SPIN2A: variants seen among roughly 807,000 people sequenced by gnomAD.
SPIN2A encodes the protein spindlin family member 2A.
In SPIN2A, 4 loss-of-function variants were observed where a neutral mutation model predicts 9.2. The observed-to-expected ratio is 0.44, with a 90% CI of 0.21 to 1.00. The LOEUF is 1.00. Ranked by LOEUF, SPIN2A falls within the 50% of genes least tolerant of loss-of-function variation. The pLI, the probability that SPIN2A is intolerant of heterozygous loss-of-function variation, is 0.26. For synonymous variants in SPIN2A, 25 were observed against 61.2 expected (o/e 0.41, Z 2.76); for missense variants, 77 against 172.8 (o/e 0.45, Z 3.11).
At chrX:57,144,088 T>C in the SPIN2A span, among the ~76,000 whole-genome samples, 2 of 112,172 alleles carry the variant, frequency 1.8e-5, no homozygotes, top group African/African-American at 3.2e-5. Flanking sequence ...GCTGGCAGTA[T>C]TCTCAGCTTT....
chrX:57,139,459 C>CTTGT (rs1253934693), upstream of SPIN2A, among the ~76,000 whole-genome samples: 1 of 110,956 alleles, frequency 9.0e-6, no homozygotes, highest in African/African-American at 3.3e-5. Flanking sequence ...TTTTTGTTTG[C>CTTGT]TTGTTTGTTT....
At chrX:57,145,024 A>G in the SPIN2A span, among the ~76,000 whole-genome samples, 2 of 111,529 alleles carry the variant, frequency 1.8e-5, no homozygotes, top group Middle Eastern at 4.6e-3. Flanking sequence ...TTGTGCTGCT[A>G]TAAACATGCA....
At chrX:57,143,088 C>A in the SPIN2A span, among the ~76,000 whole-genome samples, 2 of 111,121 alleles carry the variant, frequency 1.8e-5, no homozygotes, top group African/African-American at 6.5e-5. Flanking sequence ...TTGATTAGAT[C>A]ATTTATTCCA....
At chrX:57,144,921 C>T in the SPIN2A span, among the ~76,000 whole-genome samples, 1 of 80,277 alleles carries the variant, frequency 1.2e-5, no homozygotes, top group Non-Finnish European at 2.1e-5. Flanking sequence ...TATGTGTGTG[C>T]ATACACACAC....
upstream of SPIN2A, among the ~76,000 whole-genome samples, chrX:57,139,034 C>T (rs984105133): frequency 8.9e-6 from 1 of 111,746 alleles, no homozygotes; most frequent in Non-Finnish European, 1.9e-5. Flanking sequence ...ATGATTGTTT[C>T]CTTTGCTGTG....
downstream of SPIN2A, chrX:57,135,438 C>T (rs975394376): frequency 1.5e-4 from 30 of 194,303 alleles, no homozygotes; most frequent in Admixed American, 5.1e-4. Flanking sequence ...CAGTCACCTC[C>T]TCCTCTCTCC....
downstream of SPIN2A, chrX:57,134,902 C>G (rs1569184925): frequency 8.9e-6 from 1 of 111,950 alleles, no homozygotes; most frequent in Non-Finnish European, 1.9e-5. Context: ...TCCTGATTAA[C>G]TTGACTGAGT....
chrX:57,135,716 T>G lies in SPIN2A; in HGVS notation c.*105A>C, dbSNP rs1301670971. Reference sequence around the variant, plus strand: ...GTTAATGCTGGCAAAGATGTTTAGTTATCAGGGATTCCATAAGCTTTCAGT... The same window carrying G: ...GTTAATGCTGGCAAAGATGTTTAGTGATCAGGGATTCCATAAGCTTTCAGT... On this transcript the variant is annotated 3_prime_UTR_variant, in exon 2 of 2. Transcript: ENST00000374906. 13 of 1,136,185 alleles carry G rather than the reference T, an allele frequency of 1.1e-5. No individual in the cohort carries two copies. The highest frequency in any genetic ancestry group is 1.5e-5 in the Non-Finnish European group (13 of 858,500). The allele number at this position is 1,136,185 out of a possible 1,213,427, so 93.6% of individuals were successfully genotyped here. A position where few individuals can be genotyped will look rare whatever the true frequency, so the allele number is the denominator to read the frequency against.
chrX:57,145,620 GA>G, the SPIN2A span, among the ~76,000 whole-genome samples: 5 of 111,957 alleles, frequency 4.5e-5, no homozygotes, highest in African/African-American at 1.6e-4. Context: ...TCTTGGTCAT[GA>G]AGTCTTTGCC....
Position 57,135,841 on chromosome X carries a change from C to G in SPIN2A, c.757G>C (p.Asp253His), listed in dbSNP as rs750958836. ...FDDDFHIYVY[D>H]LVKKS The stretch of plus-strand genomic sequence containing the variant: ...AACAGTTAGGACTTTTTCACCAAAT[C>G]GTAGACATAGATATGGAAATCATCA... Residue 253 changes from aspartate (D) to histidine (H), a missense_variant, in exon 2 of 2, where the codon GAT becomes CAT. This residue lies in a region of SPIN2A where 36 missense variants were observed against 47.6 expected (regional missense o/e 0.76). Coordinates refer to ENST00000374906, the MANE Select transcript of SPIN2A (RefSeq NM_019003.5). 43 of 1,200,963 alleles carry G rather than the reference C, an allele frequency of 3.6e-5. No homozygotes were observed. The highest frequency in any genetic ancestry group is 4.8e-5 in the Non-Finnish European group (43 of 891,874).
At chrX:57,140,244 G>C (rs1282535200), upstream of SPIN2A, among the ~76,000 whole-genome samples, 4 of 109,530 alleles carry the variant, frequency 3.7e-5, no homozygotes, top group African/African-American at 1.3e-4. Context: ...GGGATCTTTA[G>C]ATTTTTTCTA....
downstream of SPIN2A, chrX:57,135,492 C>A (rs750596895): frequency 5.5e-5 from 16 of 290,458 alleles, no homozygotes; most frequent in Non-Finnish European, 9.5e-5. Flanking sequence ...CCCCTCCAGA[C>A]CAGACCAGCT....
chrX:57,138,628 G>A (rs139790862), upstream of SPIN2A, among the ~76,000 whole-genome samples: 373 of 110,875 alleles, frequency 3.4e-3, 2 homozygotes, highest in African/African-American at 0.012. Context: ...GTTTTTGGAG[G>A]AACTACCACG....
chrX:57,146,740 T>C, the SPIN2A span, among the ~76,000 whole-genome samples: 5 of 112,079 alleles, frequency 4.5e-5, no homozygotes, highest in Non-Finnish European at 9.4e-5. Flanking sequence ...GTATGTCTCT[T>C]CTATGCTGAT....
Position 57,135,728 on chromosome X carries a change from C to T in SPIN2A, c.*93G>A. 4 of 1,150,185 alleles carry T rather than the reference C, an allele frequency of 3.5e-6. No homozygotes were observed. The highest frequency in any genetic ancestry group is 2.3e-6 in the Non-Finnish European group (2 of 864,991). 94.8% of individuals were successfully genotyped at this position (1,150,185 alleles called of 1,213,427 possible). On this transcript the variant is annotated 3_prime_UTR_variant, in exon 2 of 2. Transcript: ENST00000374906. ...AAAGATGTTTAGTTATCAGGGATTC[C>T]ATAAGCTTTCAGTACACTGAAAGGC...
At chrX:57,137,198 G>A (rs1387723822) in intron 1 of SPIN2A, 62 bp downstream of exon 1, 1 of 758,519 alleles carries the variant, frequency 1.3e-6, no homozygotes, top group Non-Finnish European at 1.6e-6. Context: ...CCCACTAATG[G>A]CCTTGCCCTG....
At chrX:57,134,989 T>C (rs1318761240), downstream of SPIN2A, 1 of 111,935 alleles carries the variant, frequency 8.9e-6, no homozygotes, top group Non-Finnish European at 1.9e-5. Context: ...CCTTTGTGCA[T>C]AGAGCCAGGA....
In SPIN2A at chrX:57,135,689, C is replaced by T. The variant is rs1004922693; in HGVS notation, c.*132G>A. On this transcript the variant is annotated 3_prime_UTR_variant, in exon 2 of 2. Transcript: ENST00000374906. The stretch of plus-strand genomic sequence containing the variant: ...ATTTGTATTTTTTAGAGCAAAACAA[C>T]AGTTAATGCTGGCAAAGATGTTTAG... 3 of 1,094,182 alleles carry T rather than the reference C, an allele frequency of 2.7e-6. No individual in the cohort carries two copies. The African/African-American group carries it at 5.6e-5, about 21-fold the overall frequency. The allele number at this position is 1,094,182 out of a possible 1,213,427, so 90.2% of individuals were successfully genotyped here. A position where few individuals can be genotyped will look rare whatever the true frequency, so the allele number is the denominator to read the frequency against.
chrX:57,145,901 T>A, the SPIN2A span, among the ~76,000 whole-genome samples: 1 of 111,964 alleles, frequency 8.9e-6, no homozygotes, highest in Non-Finnish European at 1.9e-5. Context: ...TTCTCTGTTC[T>A]GTTCCATTGG....
Sources: gnomAD v4.1 joint callset for allele counts (sites outside exome capture counted in the v4.1 genomes callset) on GRCh38, gnomAD v4.1.1 for gene constraint, gnomAD v4.1.1 regional missense constraint, MANE v1.5 for transcripts, NCBI Gene and HGNC (gene_info 2026-07-23, HGNC 2026-07-21) for gene names.